EXOC6B: variants seen among roughly 807,000 people sequenced by gnomAD.
The protein encoded by EXOC6B is exocyst complex component 6B.
A neutral mutation model predicts 113.5 loss-of-function variants in EXOC6B; 54 were observed. The observed-to-expected ratio is 0.48, with a 90% CI of 0.38 to 0.60. EXOC6B has a LOEUF of 0.60. EXOC6B is among the 20% of genes least tolerant of loss of function. The pLI, the probability that EXOC6B is intolerant of heterozygous loss-of-function variation, is 0.00. For missense variants in EXOC6B, 797 were observed against 977.5 expected, an observed-to-expected ratio of 0.82 and a Z score of 2.46; for synonymous variants, 357 against 339.0, an observed-to-expected ratio of 1.05 and a Z score of -0.58.
chr2:72,601,176 G>GTGTGTGTA (rs1553450422), intron 6 of EXOC6B, among the ~76,000 whole-genome samples: 1 of 147,538 alleles, frequency 6.8e-6, no homozygotes, highest in African/African-American at 2.5e-5. Context: ...GTGTGTGTGT[G>GTGTGTGTA]TATATCTTTT....
At chr2:72,347,821 T>C (rs1258084731) in intron 19 of EXOC6B, among the ~76,000 whole-genome samples, 1 of 152,098 alleles carries the variant, frequency 6.6e-6, no homozygotes, top group African/African-American at 2.4e-5. Context: ...ATGACATTGA[T>C]TATAACAAAC....
intron 20 of EXOC6B, among the ~76,000 whole-genome samples, chr2:72,205,351 T>A (rs1679771532): frequency 1.4e-5 from 2 of 147,524 alleles, no homozygotes; most frequent in South Asian, 4.2e-4. Context: ...TTCACTATTT[T>A]ATGCTTAAAG....
At chr2:72,781,015 C>T (rs1684005543) in intron 1 of EXOC6B, among the ~76,000 whole-genome samples, 1 of 152,006 alleles carries the variant, frequency 6.6e-6, no homozygotes, top group Non-Finnish European at 1.5e-5. Flanking sequence ...ATTACTACTC[C>T]CAATGCTCCT....
chr2:72,760,202 G>A (rs965747446), intron 1 of EXOC6B, among the ~76,000 whole-genome samples: 1 of 152,098 alleles, frequency 6.6e-6, no homozygotes, highest in Non-Finnish European at 1.5e-5. Context: ...GGTCACAGAT[G>A]CTCCACCAAA....
intron 8 of EXOC6B, among the ~76,000 whole-genome samples, chr2:72,547,328 T>C (rs1702965768): frequency 6.6e-6 from 1 of 152,198 alleles, no homozygotes; most frequent in Admixed American, 6.5e-5. Context: ...TTAATTGCTA[T>C]CGCTGGACCC....
chr2:72,255,241 A>G (rs1480022428), intron 20 of EXOC6B, among the ~76,000 whole-genome samples: 1 of 152,212 alleles, frequency 6.6e-6, no homozygotes, highest in Non-Finnish European at 1.5e-5. Flanking sequence ...GTTTTAAAGA[A>G]TGCTGTATCA....
At chr2:72,618,622 C>A (rs1186657829) in intron 6 of EXOC6B, among the ~76,000 whole-genome samples, 3 of 152,078 alleles carry the variant, frequency 2.0e-5, no homozygotes, top group Non-Finnish European at 4.4e-5. Context: ...CACAGCAATT[C>A]GTTAGTGCCT....
At chr2:72,564,687 T>C (rs6715775) in intron 7 of EXOC6B, among the ~76,000 whole-genome samples, 3,657 of 152,272 alleles carry the variant, frequency 0.024, 151 homozygotes, top group African/African-American at 0.083. Context: ...AAGGGTAGAA[T>C]TCATTTGGAT....
chr2:72,184,386 T>A (rs913364214), intron 20 of EXOC6B, among the ~76,000 whole-genome samples, 199 bp from the exon 21 acceptor site: 2 of 152,194 alleles, frequency 1.3e-5, no homozygotes, highest in African/African-American at 4.8e-5. Flanking sequence ...CAGACTTATC[T>A]CTGCCATAAG....
intron 19 of EXOC6B, among the ~76,000 whole-genome samples, chr2:72,362,048 T>G (rs1323751100): frequency 6.6e-6 from 1 of 152,138 alleles, no homozygotes; most frequent in African/African-American, 2.4e-5. Flanking sequence ...TTTCCTTACC[T>G]GTAGAGTGAG....
At chr2:72,530,556 T>C (rs747669136) in intron 8 of EXOC6B, among the ~76,000 whole-genome samples, 2 of 152,170 alleles carry the variant, frequency 1.3e-5, no homozygotes, top group Admixed American at 6.5e-5. Flanking sequence ...ATTCTACTGA[T>C]GTTATGTACA....
intron 6 of EXOC6B, among the ~76,000 whole-genome samples, chr2:72,658,313 G>GAAAAAAAA (rs1674759760): frequency 1.2e-5 from 1 of 83,818 alleles, no homozygotes; most frequent in Non-Finnish European, 2.6e-5. Context: ...AAAAAAAAAG[G>GAAAAAAAA]ATAAAATCAA....
rs577019734 is a variant in EXOC6B, at chr2:72,176,320, G to A, written c.*3015C>T. 6.6e-6 allele frequency: 1 copy of A among 152,128 alleles called. No homozygotes were observed. Among genetic ancestry groups the A allele is most frequent in the African/African-American group, 2.4e-5 (1 of 41,502 alleles). 9.4% of individuals were successfully genotyped at this position (152,128 alleles called of 1,614,324 possible). ...GAAGAAGAGGCAATTGCAGTCAAGA[G>A]AGGAGTCCTGGGAGAAGGGAGGCTA... is the stretch of plus-strand genomic sequence containing the variant. On this transcript the variant is annotated 3_prime_UTR_variant, in exon 22 of 22. Transcript: ENST00000272427.
At chr2:72,747,839 A>G (rs1681799723) in intron 1 of EXOC6B, among the ~76,000 whole-genome samples, 1 of 152,032 alleles carries the variant, frequency 6.6e-6, no homozygotes, top group African/African-American at 2.4e-5. Flanking sequence ...CATAGATTCT[A>G]TTATGTGCTC....
intron 20 of EXOC6B, among the ~76,000 whole-genome samples, chr2:72,290,989 A>G (rs1278525781): frequency 6.6e-6 from 1 of 152,190 alleles, no homozygotes; most frequent in African/African-American, 2.4e-5. Flanking sequence ...CTTCTTTATC[A>G]TATATCATTA....
chr2:72,560,192 G>A (rs1349811448), intron 7 of EXOC6B, among the ~76,000 whole-genome samples: 2 of 151,896 alleles, frequency 1.3e-5, no homozygotes, highest in Admixed American at 6.6e-5. Flanking sequence ...GGTAAGAACT[G>A]GAGTCTAGTT....
At chr2:72,656,650 G>C (rs1275112533) in intron 6 of EXOC6B, among the ~76,000 whole-genome samples, 1 of 152,022 alleles carries the variant, frequency 6.6e-6, no homozygotes, top group Non-Finnish European at 1.5e-5. Context: ...AAGGGTGAAA[G>C]TCAAAATTCT....
At chr2:72,228,442 A>G (rs6546750) in intron 20 of EXOC6B, among the ~76,000 whole-genome samples, 65,001 of 132,622 alleles carry the variant, frequency 0.49, 19,449 homozygotes, top group African/African-American at 0.86. Flanking sequence ...AATAGGCCCC[A>G]GTGTGTGATG....
intron 20 of EXOC6B, among the ~76,000 whole-genome samples, chr2:72,202,393 G>T (rs1332537035): frequency 1.3e-5 from 2 of 152,210 alleles, no homozygotes; most frequent in Non-Finnish European, 2.9e-5. Context: ...TTGCTTCAAT[G>T]TAATATAGAC....
Sources: allele counts gnomAD v4.1 joint callset (sites outside exome capture counted in the v4.1 genomes callset), GRCh38; gene constraint gnomAD v4.1.1; transcripts MANE v1.5; gene names NCBI Gene and HGNC (gene_info 2026-07-23, HGNC 2026-07-21).